NFIA: variants seen among roughly 807,000 people sequenced by gnomAD.
The protein encoded by NFIA is nuclear factor 1 A-type.
A neutral mutation model predicts 62.8 loss-of-function variants in NFIA; 8 were observed. That is an observed-to-expected ratio of 0.13 (90% CI 0.07 to 0.23). NFIA has a LOEUF of 0.23. Ranked by LOEUF, NFIA falls within the 10% of genes least tolerant of loss-of-function variation. NFIA has a pLI of 1.00. For missense variants in NFIA, 410 were observed against 642.1 expected (o/e 0.64, Z 3.91); for synonymous variants, 235 against 238.1 (o/e 0.99, Z 0.12).
At chr1:61,193,154 CA>C (rs998511742) in intron 2 of NFIA, among the ~76,000 whole-genome samples, 1 of 152,178 alleles carries the variant, frequency 6.6e-6, no homozygotes, top group Non-Finnish European at 1.5e-5. Flanking sequence ...CAAAACCTAT[CA>C]AAGTTGGCAG....
intron 2 of NFIA, among the ~76,000 whole-genome samples, chr1:61,112,365 G>C (rs562577859): frequency 1.3e-5 from 2 of 152,026 alleles, no homozygotes; most frequent in Non-Finnish European, 2.9e-5. Flanking sequence ...TTTATATGTA[G>C]TAGTACAGAG....
chr1:61,199,354 A>G (rs928763830), intron 2 of NFIA, among the ~76,000 whole-genome samples: 1 of 152,226 alleles, frequency 6.6e-6, no homozygotes, highest in Admixed American at 6.5e-5. Context: ...TTTATTGATC[A>G]TTTACAAAAT....
At chr1:61,185,774 G>T (rs1481948865) in intron 2 of NFIA, among the ~76,000 whole-genome samples, 1 of 151,690 alleles carries the variant, frequency 6.6e-6, no homozygotes, top group African/African-American at 2.4e-5. Context: ...TTTGTGGCTG[G>T]CTTATTCTTA....
intron 6 of NFIA, among the ~76,000 whole-genome samples, chr1:61,361,454 A>G (rs776738916): frequency 1.3e-5 from 2 of 152,174 alleles, no homozygotes; most frequent in African/African-American, 2.4e-5. Context: ...TTAAACATAT[A>G]GGTTTGGTAC....
intron 3 of NFIA, among the ~76,000 whole-genome samples, chr1:61,330,443 C>CCCCCA (rs554691317): frequency 0.044 from 3,976 of 90,442 alleles, 243 homozygotes; most frequent in East Asian, 0.14. Context: ...TACACCCCCC[C>CCCCCA]CACACACACA....
chr1:61,129,041 G>T (rs1189289948), intron 2 of NFIA, among the ~76,000 whole-genome samples: 3 of 142,592 alleles, frequency 2.1e-5, no homozygotes, highest in African/African-American at 7.8e-5. Flanking sequence ...TCCTGCCTCA[G>T]CCTCCTGAGT....
rs1570593108 is a variant in NFIA, at chr1:61,332,653, C to T, written c.700+67C>T. On this transcript the variant is annotated intron_variant, in intron 4 of 10. Transcript: ENST00000403491. ...GTTTGTGCTTACTTTCTGCCTAGGA[C>T]TCCTAGAGACCAAAAAAAGCTTTCA... The T allele has an allele frequency of 8.4e-6, 11 of 1,310,562 alleles. No individual in the cohort carries two copies. The East Asian group carries it at 2.4e-4, about 28-fold the overall frequency. The allele number at this position is 1,310,562 out of a possible 1,614,324, so 81.2% of individuals were successfully genotyped here.
intron 3 of NFIA, 74 bp from the exon 4 acceptor site, chr1:61,332,438 C>G: frequency 7.2e-7 from 1 of 1,386,028 alleles, no homozygotes; most frequent in Non-Finnish European, 1.0e-6. Context: ...CATAATGAAA[C>G]TAATATTTAA....
At chr1:61,170,917 A>G (rs946534516) in intron 2 of NFIA, among the ~76,000 whole-genome samples, 1 of 152,230 alleles carries the variant, frequency 6.6e-6, no homozygotes, top group Admixed American at 6.5e-5. Flanking sequence ...TTTCATAAAA[A>G]AAAAAGAGAC....
At chr1:61,079,399 T>C (rs1646069021), upstream of NFIA, among the ~76,000 whole-genome samples, 1 of 152,180 alleles carries the variant, frequency 6.6e-6, no homozygotes, top group Non-Finnish European at 1.5e-5. Flanking sequence ...TGAAACCTTA[T>C]TGACGTAATT....
chr1:61,248,989 A>G (rs965486457), intron 2 of NFIA: 2 of 152,230 alleles, frequency 1.3e-5, no homozygotes, highest in Admixed American at 6.5e-5. Context: ...TAAGTATGCA[A>G]CCAATCTGTG....
intron 2 of NFIA, among the ~76,000 whole-genome samples, chr1:61,208,005 C>G (rs1438172640): frequency 7.4e-6 from 1 of 135,380 alleles, no homozygotes; most frequent in Non-Finnish European, 1.5e-5. Context: ...TTTGATGCAG[C>G]TCTTCACAGA....
intron 2 of NFIA, among the ~76,000 whole-genome samples, chr1:61,218,545 A>G (rs1653796069): frequency 6.6e-6 from 1 of 152,202 alleles, no homozygotes. Context: ...AACTTGTAAC[A>G]TACATTCTAG....
chr1:61,121,061 G>A (rs1347914820), intron 2 of NFIA, among the ~76,000 whole-genome samples: 17 of 152,144 alleles, frequency 1.1e-4, no homozygotes. Context: ...AGGACATTAG[G>A]AAATCAAATT....
chr1:61,155,739 A>G, intron 2 of NFIA, among the ~76,000 whole-genome samples: 1 of 151,708 alleles, frequency 6.6e-6, no homozygotes, highest in Non-Finnish European at 1.5e-5. Flanking sequence ...TTTTCCCTCT[A>G]GATCAATCCC....
At chr1:61,153,159 C>G (rs190766794) in intron 2 of NFIA, among the ~76,000 whole-genome samples, 1 of 152,340 alleles carries the variant, frequency 6.6e-6, no homozygotes, top group East Asian at 1.9e-4. Flanking sequence ...GGGTTGAATA[C>G]TGCCGGCACA....
intron 2 of NFIA, among the ~76,000 whole-genome samples, chr1:61,214,102 CAT>C (rs1231912148): frequency 3.9e-5 from 6 of 152,186 alleles, no homozygotes; most frequent in Admixed American, 3.3e-4. Flanking sequence ...TCTGCTTACA[CAT>C]GTGTGGAGGG....
rs544172212 is a variant in NFIA at position 61,415,311 on chromosome 1, G to A, written c.1420+8584G>A. Among the ~76,000 whole-genome samples the A allele has an allele frequency of 1.3e-4, 20 of 152,006 alleles. No homozygotes were observed. The South Asian group carries it at 2.5e-3, about 19-fold the overall frequency. ...ATTTTTATACTATTGGAGTAAAGAA[G>A]GGCTTTCTAAATAATGCCAAAAAAC... On this transcript the variant is annotated intron_variant, in intron 9 of 10. Coordinates refer to ENST00000403491, the MANE Select transcript of NFIA (RefSeq NM_001134673.4).
chr1:61,241,236 C>T (rs114017887), intron 2 of NFIA, among the ~76,000 whole-genome samples: 50 of 152,126 alleles, frequency 3.3e-4, no homozygotes, highest in African/African-American at 1.2e-3. Context: ...TGTTTTTGGC[C>T]ATCTTTCTTT....
Sources: allele counts gnomAD v4.1 joint callset (sites outside exome capture counted in the v4.1 genomes callset), GRCh38; gene constraint gnomAD v4.1.1; transcripts MANE v1.5; gene names NCBI Gene and HGNC (gene_info 2026-07-23, HGNC 2026-07-21).